The following SERINC5 variants were observed in gnomAD, a reference collection of about 807,000 sequenced individuals.
SERINC5 encodes chromosome 5 open reading frame 12.
In SERINC5, 41 loss-of-function variants were observed where a neutral mutation model predicts 63.1. The ratio of observed to expected loss-of-function variants is 0.65; its 90% CI spans 0.51 to 0.84. The LOEUF (loss-of-function observed/expected upper bound fraction) is 0.84. Ranked by LOEUF, SERINC5 falls within the 40% of genes least tolerant of loss-of-function variation. The pLI, the probability that SERINC5 is intolerant of heterozygous loss-of-function variation, is 0.00. For synonymous variants in SERINC5, 222 were observed against 215.2 expected, an observed-to-expected ratio of 1.03 and a Z score of -0.28; for missense variants, 523 against 573.0, an observed-to-expected ratio of 0.91 and a Z score of 0.89.
intron 11 of SERINC5, among the ~76,000 whole-genome samples, chr5:80,121,688 T>C (rs1210088517): frequency 6.6e-6 from 1 of 152,210 alleles, no homozygotes; most frequent in Non-Finnish European, 1.5e-5. Flanking sequence ...TTTTGCCTTA[T>C]GGTTCTGCAG....
Position 80,214,627 on chromosome 5 carries a change from T to C in SERINC5, c.28-11574A>G, listed in dbSNP as rs144006362. On this transcript the variant is annotated intron_variant, in intron 1 of 11. Coordinates refer to ENST00000507668, the MANE Select transcript of SERINC5 (RefSeq NM_001174072.3). ...TTGAAAATAGTTGGGTCAGGAGCAG[T>C]GGCTCATGCCTGTAATCCCAGCACT... Among the ~76,000 whole-genome samples, 1,171 of 151,718 alleles carry C rather than the reference T, an allele frequency of 7.7e-3. 14 individuals are homozygous for C. Among genetic ancestry groups the C allele is most frequent in the African/African-American group, 0.025 (1,042 of 41,412 alleles).
At chr5:80,175,171 T>C in intron 4 of SERINC5, 124 bp from the exon 5 acceptor site, 1 of 610,902 alleles carries the variant, frequency 1.6e-6, no homozygotes, top group Non-Finnish European at 2.9e-6. Flanking sequence ...CACAACCATA[T>C]AAGATATGTA....
chr5:80,138,517 G>A (rs1002912232), downstream of SERINC5, among the ~76,000 whole-genome samples: 5 of 152,006 alleles, frequency 3.3e-5, no homozygotes, highest in African/African-American at 9.6e-5. Flanking sequence ...AATCGCTTGA[G>A]CCTGGGAGGC....
At chr5:80,199,209 T>TAG (rs1289857211) in intron 2 of SERINC5, among the ~76,000 whole-genome samples, 1 of 152,182 alleles carries the variant, frequency 6.6e-6, no homozygotes, top group African/African-American at 2.4e-5. Flanking sequence ...CACAGCCTCG[T>TAG]AGCTAAGAAC....
intron 1 of SERINC5, among the ~76,000 whole-genome samples, chr5:80,217,191 A>C (rs1033236706): frequency 6.6e-6 from 1 of 151,244 alleles, no homozygotes; most frequent in Non-Finnish European, 1.5e-5. Context: ...TAAAATAGTT[A>C]ATTTTAAATA....
At chr5:80,119,915 G>T (rs1334010040) in intron 11 of SERINC5, among the ~76,000 whole-genome samples, 1 of 152,180 alleles carries the variant, frequency 6.6e-6, no homozygotes, top group East Asian at 1.9e-4. Context: ...CTAGGTAGGG[G>T]CTTGCTACCT....
intron 5 of SERINC5, among the ~76,000 whole-genome samples, chr5:80,170,938 A>G (rs1747613548): frequency 6.6e-6 from 1 of 152,148 alleles, no homozygotes; most frequent in Non-Finnish European, 1.5e-5. Context: ...GCTCGGGTGG[A>G]TGAAGGCTGC....
intron 1 of SERINC5, among the ~76,000 whole-genome samples, chr5:80,232,400 T>C (rs1456483903): frequency 8.2e-6 from 1 of 122,360 alleles, no homozygotes. Context: ...TGAGACTCTG[T>C]CTCAAAGAAA....
At chr5:80,221,243 A>G (rs1750890678) in intron 1 of SERINC5, among the ~76,000 whole-genome samples, 1 of 152,216 alleles carries the variant, frequency 6.6e-6, no homozygotes, top group Non-Finnish European at 1.5e-5. Context: ...ATCATCTGAC[A>G]TCAGCCGACA....
rs777568982 is a variant in SERINC5 at position 80,122,212 on chromosome 5, T to TATATATATATATATATATATAA, written c.1239-8588_1239-8587insTTATATATATATATATATATAT. The stretch of plus-strand genomic sequence containing the variant: ...AGAACTAATAGTATATATATATATA[T>TATATATATATATATATATATAA]AATATGAGTTTATTAAATATTAGCT... On this transcript the variant is annotated intron_variant, in intron 11 of 12. Coordinates refer to the SERINC5 transcript ENST00000509193. Among the ~76,000 whole-genome samples the TATATATATATATATATATATAA allele has an allele frequency of 3.7e-3, 525 of 142,520 alleles. 7 individuals carry two copies. The highest frequency in any genetic ancestry group is 6.4e-3 in the South Asian group (29 of 4,538). 93.5% of individuals were successfully genotyped at this position (142,520 alleles called of 152,430 possible).
chr5:80,214,128 C>G (rs946383736), intron 1 of SERINC5, among the ~76,000 whole-genome samples: 6 of 152,054 alleles, frequency 3.9e-5, no homozygotes, highest in Admixed American at 2.6e-4. Context: ...ATAGGTTATA[C>G]AGAAAAATTT....
intron 2 of SERINC5, among the ~76,000 whole-genome samples, chr5:80,189,947 A>G (rs1004914507): frequency 6.6e-6 from 1 of 151,542 alleles, no homozygotes; most frequent in Non-Finnish European, 1.5e-5. Context: ...CTGGCCTCAC[A>G]AGATCCTCCC....
intron 11 of SERINC5, among the ~76,000 whole-genome samples, chr5:80,126,421 C>T (rs1040701527): frequency 9.8e-5 from 15 of 152,330 alleles, no homozygotes; most frequent in Middle Eastern, 6.8e-3. Context: ...CAGATAACCA[C>T]AAAAGAATAT....
intron 11 of SERINC5, among the ~76,000 whole-genome samples, chr5:80,127,895 C>T (rs1284917196): frequency 1.3e-5 from 2 of 152,030 alleles, no homozygotes; most frequent in East Asian, 3.8e-4. Context: ...TTTCTATAGG[C>T]AAAATCTTAA....
chr5:80,159,563 ATGAC>A (rs1424931569), intron 7 of SERINC5, among the ~76,000 whole-genome samples: 2 of 152,126 alleles, frequency 1.3e-5, no homozygotes, highest in African/African-American at 2.4e-5. Context: ...TTATATGTTA[ATGAC>A]TGACTAATGG....
chr5:80,236,836 T>A (rs532485586), intron 1 of SERINC5, among the ~76,000 whole-genome samples: 1 of 149,916 alleles, frequency 6.7e-6, no homozygotes, highest in African/African-American at 2.5e-5. Flanking sequence ...CCAGTGTTTC[T>A]TTTTTCTTTT....
chr5:80,125,133 T>C (rs1014699695), intron 11 of SERINC5, among the ~76,000 whole-genome samples: 6 of 152,200 alleles, frequency 3.9e-5, no homozygotes, highest in African/African-American at 7.2e-5. Context: ...ATCCATCCAT[T>C]CATTCATTCA....
chr5:80,230,459 A>AAAAAAAAAAT, intron 1 of SERINC5, among the ~76,000 whole-genome samples: 1 of 128,620 alleles, frequency 7.8e-6, no homozygotes, highest in Admixed American at 8.3e-5. Context: ...AAAAAAAAAA[A>AAAAAAAAAAT]AAAGAAACCA....
intron 12 of SERINC5, among the ~76,000 whole-genome samples, chr5:80,113,136 T>C (rs1411954306): frequency 2.8e-4 from 43 of 152,150 alleles, no homozygotes; most frequent in Non-Finnish European, 4.4e-5. Flanking sequence ...CTATAATCTC[T>C]TTTTTTCCTT....
Sources: gnomAD v4.1 joint callset for allele counts (sites outside exome capture counted in the v4.1 genomes callset) on GRCh38, gnomAD v4.1.1 for gene constraint, MANE v1.5 for transcripts, NCBI Gene and HGNC (gene_info 2026-07-23, HGNC 2026-07-21) for gene names.